PPM1H: variants seen among roughly 807,000 people sequenced by gnomAD.
The protein encoded by PPM1H is protein phosphatase, Mg2+/Mn2+ dependent 1H, also known as protein phosphatase 1H.
PPM1H carries 27 observed loss-of-function variants against 54.9 expected under a neutral mutation model. The ratio of observed to expected loss-of-function variants is 0.49; its 90% CI spans 0.36 to 0.68. PPM1H has a LOEUF of 0.68. Ranked by LOEUF, PPM1H falls within the 30% of genes least tolerant of loss-of-function variation. The pLI, the probability that PPM1H is intolerant of heterozygous loss-of-function variation, is 0.00. For missense variants in PPM1H, 596 were observed against 667.8 expected (o/e 0.89, Z 1.19); for synonymous variants, 305 against 270.8 (o/e 1.13, Z -1.24).
intron 1 of PPM1H, among the ~76,000 whole-genome samples, chr12:62,839,884 A>AAAAAAAAAAAAAAAAAAAAAC (rs1555200469): frequency 8.7e-5 from 13 of 150,164 alleles, no homozygotes; most frequent in African/African-American, 3.2e-4. Context: ...CAAAAAAAAA[A>AAAAAAAAAAAAAAAAAAAAAC]AAAAAACACC....
At chr12:62,896,750 G>T (rs1225965001) in intron 1 of PPM1H, among the ~76,000 whole-genome samples, 1 of 152,102 alleles carries the variant, frequency 6.6e-6, no homozygotes, top group Non-Finnish European at 1.5e-5. Context: ...CCATTACCGG[G>T]TATATACCCA....
At chr12:62,748,324 C>G (rs947669068) in intron 4 of PPM1H, among the ~76,000 whole-genome samples, 2 of 152,122 alleles carry the variant, frequency 1.3e-5, no homozygotes, top group Non-Finnish European at 2.9e-5. Flanking sequence ...AATTCCAAAC[C>G]AAGTCACTTC....
chr12:62,871,378 G>A (rs1869975902), intron 1 of PPM1H, among the ~76,000 whole-genome samples: 1 of 152,138 alleles, frequency 6.6e-6, no homozygotes, highest in African/African-American at 2.4e-5. Context: ...TTAGTGCATA[G>A]GGGAGGCAGA....
chr12:62,673,162 C>T (rs2075966078), intron 8 of PPM1H, among the ~76,000 whole-genome samples: 1 of 152,190 alleles, frequency 6.6e-6, no homozygotes. Context: ...TGGGGGCAAA[C>T]AAGAACCTTG....
rs562848361 is a variant in PPM1H, at chr12:62,830,348, T to C, written c.411+1766A>G. 2.2e-4 allele frequency among the ~76,000 whole-genome samples: 34 copies of C among 152,210 alleles called. No individual in the cohort carries two copies. The South Asian group carries it at 3.9e-3, about 18-fold the overall frequency. Reference sequence around the variant, plus strand: ...TCAGCTCACTGCAAGCTCTGCCTCCTGGGTTCACGCCATTCTTCTGCCTCA... The same window carrying C: ...TCAGCTCACTGCAAGCTCTGCCTCCCGGGTTCACGCCATTCTTCTGCCTCA... On this transcript the variant is annotated intron_variant, in intron 2 of 9. Transcript: ENST00000228705.
intron 8 of PPM1H, among the ~76,000 whole-genome samples, chr12:62,684,169 G>T (rs1186928334): frequency 6.6e-6 from 1 of 152,112 alleles, no homozygotes; most frequent in Non-Finnish European, 1.5e-5. Flanking sequence ...ATGCTGTTAG[G>T]CAGAAAAAAC....
At chr12:62,768,855 G>A (rs571428820) in intron 4 of PPM1H, among the ~76,000 whole-genome samples, 1 of 152,246 alleles carries the variant, frequency 6.6e-6, no homozygotes, top group South Asian at 2.1e-4. Flanking sequence ...CTGAATCTAA[G>A]TACGGAGAGG....
intron 6 of PPM1H, among the ~76,000 whole-genome samples, chr12:62,714,282 C>G (rs951301046): frequency 6.6e-6 from 1 of 152,026 alleles, no homozygotes. Flanking sequence ...CTACTGTGCT[C>G]GAGAGCACAG....
chr12:62,907,840 G>C (rs555112392), intron 1 of PPM1H, among the ~76,000 whole-genome samples: 128 of 152,256 alleles, frequency 8.4e-4, no homozygotes, highest in African/African-American at 2.8e-3. Context: ...AGCTCCCAGA[G>C]GCTGACAGAA....
At chr12:62,749,285 C>T (rs148546031) in intron 4 of PPM1H, among the ~76,000 whole-genome samples, 4 of 152,106 alleles carry the variant, frequency 2.6e-5, no homozygotes, top group Non-Finnish European at 4.4e-5. Flanking sequence ...GAAAGTGATT[C>T]GAAACGCAAC....
intron 6 of PPM1H, among the ~76,000 whole-genome samples, chr12:62,706,835 A>G (rs986985796): frequency 6.6e-6 from 1 of 152,256 alleles, no homozygotes; most frequent in Non-Finnish European, 1.5e-5. Flanking sequence ...TTGTAAAAAA[A>G]AAATTTAAGC....
At chr12:62,787,191 C>G (rs1168902715) in intron 4 of PPM1H, among the ~76,000 whole-genome samples, 1 of 151,964 alleles carries the variant, frequency 6.6e-6, no homozygotes, top group Non-Finnish European at 1.5e-5. Flanking sequence ...GCAGAGGCAA[C>G]AGCAACTTAA....
At chr12:62,659,911 CCTCCTTTG>C (rs2075873551) in intron 9 of PPM1H, among the ~76,000 whole-genome samples, 1 of 152,198 alleles carries the variant, frequency 6.6e-6, no homozygotes. Context: ...AATAGGCTGA[CCTCCTTTG>C]GTCAGTTCCC....
chr12:62,783,426 C>T (rs574030342), intron 4 of PPM1H, among the ~76,000 whole-genome samples: 73 of 152,272 alleles, frequency 4.8e-4, no homozygotes, highest in Non-Finnish European at 2.6e-4. Flanking sequence ...TTTAGAGATG[C>T]TAAAATGAGA....
At chr12:62,862,154 A>C (rs1203926858) in intron 1 of PPM1H, among the ~76,000 whole-genome samples, 2 of 152,210 alleles carry the variant, frequency 1.3e-5, no homozygotes, top group African/African-American at 4.8e-5. Flanking sequence ...ACAGACCCAG[A>C]GAGCGGGCTG....
intron 1 of PPM1H, among the ~76,000 whole-genome samples, chr12:62,841,775 T>A (rs945802662): frequency 1.3e-5 from 2 of 152,076 alleles, no homozygotes; most frequent in Non-Finnish European, 2.9e-5. Flanking sequence ...TCTATCCCCT[T>A]CACCAATATA....
chr12:62,749,710 ATTCAT>A (rs1014366344), intron 4 of PPM1H, among the ~76,000 whole-genome samples: 161 of 152,382 alleles, frequency 1.1e-3, no homozygotes, highest in African/African-American at 3.6e-3. Flanking sequence ...AAATACGATG[ATTCAT>A]TTAACAAGAC....
At chr12:62,677,614 C>T (rs574439382) in intron 8 of PPM1H, among the ~76,000 whole-genome samples, 15 of 152,290 alleles carry the variant, frequency 9.8e-5, no homozygotes, top group South Asian at 4.1e-4. Context: ...CTTGCTTACT[C>T]GCTCACACAC....
At chr12:62,667,113 T>C (rs1218603430) in intron 9 of PPM1H, 65 bp downstream of exon 9, 2 of 1,460,110 alleles carry the variant, frequency 1.4e-6, no homozygotes, top group African/African-American at 2.8e-5. Context: ...GCATGATTAT[T>C]AATTTCAGGC....
Sources: gnomAD v4.1 joint callset for allele counts (sites outside exome capture counted in the v4.1 genomes callset) on GRCh38, gnomAD v4.1.1 for gene constraint, MANE v1.5 for transcripts, NCBI Gene and HGNC (gene_info 2026-07-23, HGNC 2026-07-21) for gene names.